The following GUCY1A2 variants were observed in gnomAD, a reference collection of about 807,000 sequenced individuals.
GUCY1A2 encodes guanylate cyclase 1 soluble subunit alpha 2, also known as guanylate cyclase soluble subunit alpha-2.
A neutral mutation model predicts 63.5 loss-of-function variants in GUCY1A2; 27 were observed. The ratio of observed to expected loss-of-function variants is 0.43; its 90% confidence interval spans 0.31 to 0.59. GUCY1A2 has a LOEUF of 0.59. Among genes scored for constraint, GUCY1A2 ranks in the 20% least tolerant of loss-of-function variants. The pLI is 0.11. For synonymous variants in GUCY1A2, 364 were observed against 343.5 expected, an observed-to-expected ratio of 1.06 and a Z score of -0.66; for missense variants, 768 against 913.3, an observed-to-expected ratio of 0.84 and a Z score of 2.05.
chr11:106,739,747 C>T (rs973990321), intron 6 of GUCY1A2, among the ~76,000 whole-genome samples: 2 of 152,026 alleles, frequency 1.3e-5, no homozygotes, highest in African/African-American at 2.4e-5. Context: ...TTCATGTTTC[C>T]TTACTCAACA....
At chr11:106,897,161 A>G (rs1255020875) in intron 4 of GUCY1A2, among the ~76,000 whole-genome samples, 3 of 152,170 alleles carry the variant, frequency 2.0e-5, no homozygotes, top group Non-Finnish European at 4.4e-5. Flanking sequence ...ATCATTATGA[A>G]GAAAATAACA....
intron 2 of GUCY1A2, among the ~76,000 whole-genome samples, chr11:106,985,800 G>C (rs1411562431): frequency 1.3e-5 from 2 of 151,820 alleles, no homozygotes; most frequent in African/African-American, 2.4e-5. Flanking sequence ...TTCAACATCG[G>C]AATAAAAGAG....
chr11:106,686,053 T>C lies in GUCY1A2; in HGVS notation c.*1496A>G, dbSNP rs1288236583. ...GAACAGAAAAGAATATTGCATTCAG[T>C]AGACATAAGCTATCAATGAGTAAGA... is the stretch of plus-strand genomic sequence containing the variant. On this transcript the variant is annotated 3_prime_UTR_variant, in exon 8 of 8. Coordinates refer to ENST00000526355, the MANE Select transcript of GUCY1A2 (RefSeq NM_000855.3). 1 of 214,934 alleles carries C rather than the reference T, an allele frequency of 4.7e-6. No homozygotes were observed. Among genetic ancestry groups the C allele is most frequent in the African/African-American group, 2.3e-5 (1 of 44,336 alleles). The allele number at this position is 214,934 out of a possible 1,614,324, so 13.3% of individuals were successfully genotyped here.
intron 3 of GUCY1A2, among the ~76,000 whole-genome samples, chr11:106,960,480 C>T (rs1468559401): frequency 6.6e-6 from 1 of 152,172 alleles, no homozygotes; most frequent in African/African-American, 2.4e-5. Flanking sequence ...TTAATTTGTG[C>T]AGCACTCTAC....
chr11:106,708,490 G>A (rs780839805), intron 7 of GUCY1A2, 22 bp downstream of exon 7: 1 of 1,596,496 alleles, frequency 6.3e-7, no homozygotes, highest in Admixed American at 1.7e-5. Flanking sequence ...AGACAGGAAG[G>A]AGGAGGCCAG....
chr11:106,916,116 T>C (rs1014582387), intron 4 of GUCY1A2, among the ~76,000 whole-genome samples: 2 of 145,950 alleles, frequency 1.4e-5, no homozygotes, highest in African/African-American at 4.9e-5. Context: ...TCCTACAAAG[T>C]ATTCCTTTGA....
At chr11:106,901,228 C>A (rs900333019) in intron 4 of GUCY1A2, among the ~76,000 whole-genome samples, 5 of 152,138 alleles carry the variant, frequency 3.3e-5, no homozygotes, top group Non-Finnish European at 7.3e-5. Context: ...AGAATCAACT[C>A]CTCATATGTT....
In GUCY1A2 at chr11:106,681,490, T is replaced by C. The variant is rs1045521791; in HGVS notation, c.*6059A>G. 1.8e-5 allele frequency: 4 copies of C among 220,134 alleles called. No homozygotes were observed. Among genetic ancestry groups the C allele is most frequent in the Non-Finnish European group, 1.8e-5 (2 of 109,816 alleles). The allele number at this position is 220,134 out of a possible 1,614,324, so 13.6% of individuals were successfully genotyped here. A position where few individuals can be genotyped will look rare whatever the true frequency, so the allele number is the denominator to read the frequency against. ...CATTATAAATAATACACAAATCTCT[T>C]TGACAGGAATAGAAATCATATTTTT... On this transcript the variant is annotated 3_prime_UTR_variant, in exon 8 of 8. Coordinates refer to ENST00000526355, the MANE Select transcript of GUCY1A2 (RefSeq NM_000855.3).
At chr11:106,973,229 C>A (rs1861219542) in intron 3 of GUCY1A2, among the ~76,000 whole-genome samples, 1 of 152,044 alleles carries the variant, frequency 6.6e-6, no homozygotes, top group African/African-American at 2.4e-5. Flanking sequence ...AGCCTTTTTG[C>A]AGGTTTTGTG....
At chr11:106,827,020 TTAGTTGTAA>T in intron 4 of GUCY1A2, 1 of 1,604,692 alleles carries the variant, frequency 6.2e-7, no homozygotes, top group Non-Finnish European at 8.5e-7. Flanking sequence ...CATCTCTGTA[TTAGTTGTAA>T]CTGACGTATG....
intron 5 of GUCY1A2, among the ~76,000 whole-genome samples, chr11:106,792,900 T>C (rs978568377): frequency 4.6e-5 from 7 of 152,032 alleles, no homozygotes; most frequent in Non-Finnish European, 7.4e-5. Flanking sequence ...AGTGGAAAAA[T>C]ATCTGTTCAT....
At position 106,825,822 on chromosome 11, in the gene GUCY1A2, T is replaced by C. The variant is rs192773383; in HGVS notation, c.1207-15344A>G. On this transcript the variant is annotated intron_variant, in intron 4 of 7. Transcript: ENST00000526355. ...GAAAGTTTACAAATTTGTGTTGGGC[T>C]GCATTCAAAGCTGTCCTGGGCTGCA... Among the ~76,000 whole-genome samples, 17 of 152,332 alleles carry C rather than the reference T, an allele frequency of 1.1e-4. 1 individual carries two copies. The highest frequency in any genetic ancestry group is 3.1e-4 in the African/African-American group (13 of 41,584).
chr11:106,992,065 A>C (rs1251252341), intron 1 of GUCY1A2, among the ~76,000 whole-genome samples: 3 of 152,222 alleles, frequency 2.0e-5, no homozygotes. Flanking sequence ...AAACCCAGGT[A>C]GGTAATATGG....
intron 6 of GUCY1A2, among the ~76,000 whole-genome samples, chr11:106,715,897 T>C (rs1413233648): frequency 1.3e-5 from 2 of 152,198 alleles, no homozygotes; most frequent in Admixed American, 1.3e-4. Context: ...ATTATGATCA[T>C]TGCTACAAAG....
chr11:106,858,152 A>G (rs1214051889), intron 4 of GUCY1A2, among the ~76,000 whole-genome samples: 3 of 152,198 alleles, frequency 2.0e-5, no homozygotes, highest in African/African-American at 7.2e-5. Flanking sequence ...ACAGATTTCA[A>G]AAGATAGATA....
chr11:106,956,155 C>T (rs150882217), intron 3 of GUCY1A2, among the ~76,000 whole-genome samples: 7,894 of 151,830 alleles, frequency 0.052, 302 homozygotes, highest in Non-Finnish European at 0.078. Flanking sequence ...TTATGTTTCT[C>T]TCTAAACTGG....
chr11:106,923,217 T>C (rs1860473367), intron 4 of GUCY1A2, among the ~76,000 whole-genome samples: 1 of 152,204 alleles, frequency 6.6e-6, no homozygotes, highest in East Asian at 1.9e-4. Context: ...GATGAATAAT[T>C]GTATCGAATA....
intron 4 of GUCY1A2, among the ~76,000 whole-genome samples, chr11:106,888,285 CCT>C (rs199844661): frequency 0.015 from 2,228 of 150,884 alleles, 57 homozygotes; most frequent in African/African-American, 0.05. Context: ...CGTGAAACCC[CCT>C]CTCTACTAAA....
rs2135322065 is a variant in GUCY1A2, at chr11:106,674,474, A to G, written c.*13075T>C. The G allele has an allele frequency of 5.7e-6, 1 of 176,466 alleles. No individual in the cohort carries two copies. The highest frequency in any genetic ancestry group is 6.3e-5 in the Admixed American group (1 of 15,810). The allele number at this position is 176,466 out of a possible 1,614,324, so 10.9% of individuals were successfully genotyped here. On this transcript the variant is annotated 3_prime_UTR_variant, in exon 8 of 8. Coordinates refer to ENST00000526355, the MANE Select transcript of GUCY1A2 (RefSeq NM_000855.3). ...TAAACCTGTACTACTAGATAAAGAA[A>G]AATATTTTAAAATATAATATGAAAT...
Sources: allele counts gnomAD v4.1 joint callset (sites outside exome capture counted in the v4.1 genomes callset), GRCh38; gene constraint gnomAD v4.1.1; transcripts MANE v1.5; gene names NCBI Gene and HGNC (gene_info 2026-07-23, HGNC 2026-07-21).